Variants in ITSN1 observed in about 807,000 individuals in gnomAD.
ITSN1 encodes the protein intersectin-1.
A neutral mutation model predicts 239.8 loss-of-function variants in ITSN1; 58 were observed. The ratio of observed to expected loss-of-function variants is 0.24; its 90% CI spans 0.20 to 0.30. The LOEUF (loss-of-function observed/expected upper bound fraction) is 0.30. Ranked by LOEUF, ITSN1 falls within the 10% of genes least tolerant of loss-of-function variation. The pLI is 1.00. For synonymous variants in ITSN1, 780 were observed against 770.8 expected (o/e 1.01, Z -0.20); for missense variants, 1,558 against 2,103.3 (o/e 0.74, Z 5.07).
chr21:33,800,290 T>C (rs1419348262), intron 19 of ITSN1, among the ~76,000 whole-genome samples: 1 of 151,760 alleles, frequency 6.6e-6, no homozygotes, highest in African/African-American at 2.4e-5. Context: ...TATATACTAG[T>C]GTGCGTGTGT....
chr21:33,710,828 A>G (rs532387573), intron 1 of ITSN1, among the ~76,000 whole-genome samples: 1 of 144,458 alleles, frequency 6.9e-6, no homozygotes, highest in African/African-American at 2.6e-5. Flanking sequence ...TTCTTTTGAG[A>G]CGGAGTCTTG....
At chr21:33,688,350 A>G (rs2091348742) in intron 1 of ITSN1, among the ~76,000 whole-genome samples, 1 of 152,218 alleles carries the variant, frequency 6.6e-6, no homozygotes, top group South Asian at 2.1e-4. Context: ...TCGTAGGACT[A>G]CACTGTAGCA....
intron 29 of ITSN1, 73 bp downstream of exon 29, chr21:33,836,705 T>G: frequency 8.1e-7 from 1 of 1,231,776 alleles, no homozygotes; most frequent in Non-Finnish European, 1.2e-6. Flanking sequence ...TTGCTCTGAT[T>G]CTGCTGAGCT....
At chr21:33,781,715 A>T (rs1472819369) in intron 15 of ITSN1, among the ~76,000 whole-genome samples, 167 bp downstream of exon 15, 6 of 152,058 alleles carry the variant, frequency 3.9e-5, no homozygotes, top group Admixed American at 3.3e-4. Context: ...AGTAGCTGGG[A>T]CTACAGGTGC....
At chr21:33,689,669 C>CT (rs2091414872) in intron 1 of ITSN1, among the ~76,000 whole-genome samples, 1 of 152,064 alleles carries the variant, frequency 6.6e-6, no homozygotes, top group Non-Finnish European at 1.5e-5. Flanking sequence ...GGGCCTATCT[C>CT]TAAAGAATAA....
chr21:33,699,091 AT>A (rs542116146), intron 1 of ITSN1, among the ~76,000 whole-genome samples: 1,573 of 151,522 alleles, frequency 0.01, 10 homozygotes, highest in Non-Finnish European at 0.017. Context: ...ATATCAGATA[AT>A]TTTTTTTTAT....
At chr21:33,879,265 C>T (rs551602288) in intron 34 of ITSN1, among the ~76,000 whole-genome samples, 3 of 152,254 alleles carry the variant, frequency 2.0e-5, no homozygotes, top group East Asian at 1.9e-4. Flanking sequence ...GCAGGAGGAT[C>T]GCTTGAGCCC....
chr21:33,837,620 T>G, intron 29 of ITSN1: 1 of 985,934 alleles, frequency 1.0e-6, no homozygotes, highest in Non-Finnish European at 1.2e-6. Context: ...TGTGCTTGTT[T>G]GTGTGTATCA....
chr21:33,688,067 C>T (rs1378303493), intron 1 of ITSN1, among the ~76,000 whole-genome samples: 1 of 151,072 alleles, frequency 6.6e-6, no homozygotes, highest in Non-Finnish European at 1.5e-5. Context: ...AAAAAATCAT[C>T]ACTGTTTTGT....
intron 29 of ITSN1, among the ~76,000 whole-genome samples, chr21:33,847,589 TG>T (rs1228567933): frequency 1.3e-5 from 2 of 152,142 alleles, no homozygotes; most frequent in African/African-American, 4.8e-5. Flanking sequence ...CCATAGCCCA[TG>T]GCTGGGGGTC....
rs147679731 is a variant in ITSN1, at chr21:33,865,278, G to A, written c.4018G>A (p.Ala1340Thr). The change falls in exon 32 of 40, where the codon GCT becomes ACT. Residue 1340 changes from alanine to threonine, a missense_variant. Physicochemically the swap from Ala to Thr is moderately conservative, Grantham distance 58 (BLOSUM62 0). Transcript: ENST00000381318. The surrounding 1 kb of genome is among the most constrained non-coding windows in gnomAD (Gnocchi z 4.4). ...IRFCSRQLNG[A>T]ALIQQKTDEA... Reference sequence around the variant, plus strand: ...CTTCTGCAGCCGCCAGCTCAACGGGGCTGCCCTGATCCAGCAGAAGACGGA... The same window carrying A: ...CTTCTGCAGCCGCCAGCTCAACGGGACTGCCCTGATCCAGCAGAAGACGGA... 4.2e-5 allele frequency: 68 copies of A among 1,603,694 alleles called. No individual in the cohort carries two copies. Among genetic ancestry groups the A allele is most frequent in the Non-Finnish European group, 5.6e-5 (66 of 1,175,572 alleles).
intron 1 of ITSN1, among the ~76,000 whole-genome samples, chr21:33,665,331 G>A (rs934536460): frequency 4.6e-5 from 7 of 152,110 alleles, no homozygotes; most frequent in African/African-American, 1.7e-4. Flanking sequence ...ACCTGAGTAG[G>A]CATTTTTCCA....
chr21:33,875,841 C>T (rs1443070369), intron 34 of ITSN1, among the ~76,000 whole-genome samples: 3 of 152,100 alleles, frequency 2.0e-5, no homozygotes, highest in African/African-American at 7.2e-5. Flanking sequence ...CCACTACACC[C>T]GGCTAATTTT....
chr21:33,863,686 T>TA (rs539069849), intron 31 of ITSN1, among the ~76,000 whole-genome samples: 180 of 152,308 alleles, frequency 1.2e-3, no homozygotes, highest in Non-Finnish European at 1.8e-3. Flanking sequence ...ATTCACTTGT[T>TA]AAAAAAACTA....
rs759839079 is a variant in ITSN1, at chr21:33,883,634, C to T, written c.4639C>T (p.Arg1547Cys). The T allele has an allele frequency of 1.1e-5, 17 of 1,613,628 alleles. No homozygotes were observed. Among genetic ancestry groups the T allele is most frequent in the East Asian group, 4.5e-5 (2 of 44,872 alleles). The change falls in exon 36 of 40, where the codon CGC (arginine) becomes TGC (cysteine). Residue 1547 changes from arginine (R) to cysteine (C), a missense_variant. Around this residue, in one of 2 missense-constraint regions of ITSN1, gnomAD observed 576 missense variants for 893.3 expected, o/e 0.64. Coordinates refer to ENST00000381318, the MANE Select transcript of ITSN1 (RefSeq NM_003024.3). ...CATCTTCCACATCTCCCACATTGAC[C>T]GCGTCTATACTCTCCGAGCAGAAAG... ...EPIFHISHID[R>C]VYTLRAESIN...
intron 29 of ITSN1, among the ~76,000 whole-genome samples, chr21:33,838,855 T>A (rs933980845): frequency 9.9e-5 from 15 of 152,224 alleles, no homozygotes; most frequent in African/African-American, 3.6e-4. Flanking sequence ...CCAAAAGATG[T>A]ATCGTAATGT....
chr21:33,819,353 A>G, intron 24 of ITSN1, 30 bp downstream of exon 24: 18 of 1,499,010 alleles, frequency 1.2e-5, no homozygotes, highest in Non-Finnish European at 1.7e-5. Context: ...TATGTTCTTC[A>G]GAAGGGTCAA....
intron 30 of ITSN1, 88 bp from the exon 31 acceptor site, chr21:33,858,598 C>T (rs550022037): frequency 1.3e-6 from 1 of 795,522 alleles, no homozygotes; most frequent in Non-Finnish European, 2.1e-6. Flanking sequence ...ACACCTGAGC[C>T]CTTTCCCTGC....
chr21:33,832,153 C>G (rs1569272449), intron 27 of ITSN1, among the ~76,000 whole-genome samples: 1 of 152,152 alleles, frequency 6.6e-6, no homozygotes. Context: ...ACCAGCACCC[C>G]CTGCTCTCCT....
Sources: allele counts gnomAD v4.1 joint callset (sites outside exome capture counted in the v4.1 genomes callset), GRCh38; gene constraint gnomAD v4.1.1; regional missense constraint gnomAD v4.1.1; non-coding constraint Gnocchi (gnomAD v3.1); transcripts MANE v1.5; gene names NCBI Gene and HGNC (gene_info 2026-07-23, HGNC 2026-07-21).